The following SEMA3D variants were observed in gnomAD, a reference collection of about 807,000 sequenced individuals.
The protein encoded by SEMA3D is semaphorin-3D.
SEMA3D carries 84 observed loss-of-function variants against 100.1 expected under a neutral mutation model. The observed-to-expected ratio is 0.84, with a 90% CI of 0.70 to 1.01. The LOEUF is 1.01. Ranked by LOEUF, SEMA3D falls within the 50% of genes least tolerant of loss-of-function variation. The probability of loss-of-function intolerance (pLI) is 0.00; values close to 1 mark genes in which losing one functional copy is unlikely to be tolerated. For synonymous variants in SEMA3D, 312 were observed against 320.7 expected, an observed-to-expected ratio of 0.97 and a Z score of 0.29; for missense variants, 875 against 934.1, an observed-to-expected ratio of 0.94 and a Z score of 0.82.
intron 1 of SEMA3D, among the ~76,000 whole-genome samples, chr7:85,171,884 T>C (rs1791092521): frequency 1.3e-5 from 2 of 151,848 alleles, no homozygotes; most frequent in Admixed American, 1.3e-4. Flanking sequence ...CTTCTCTTGA[T>C]TTGCTCTAAC....
At chr7:85,155,952 G>A (rs1043665175) in intron 1 of SEMA3D, among the ~76,000 whole-genome samples, 4 of 151,896 alleles carry the variant, frequency 2.6e-5, no homozygotes, top group African/African-American at 9.7e-5. Flanking sequence ...TTCCAAATGT[G>A]CACTGGCCTA....
At chr7:85,244,708 C>CTT in the SEMA3D span, among the ~76,000 whole-genome samples, 127 of 121,840 alleles carry the variant, frequency 1.0e-3, no homozygotes, top group African/African-American at 1.9e-3. Context: ...ACTGCACAAT[C>CTT]TTTTTTTTTT....
intron 2 of SEMA3D, among the ~76,000 whole-genome samples, chr7:85,146,560 A>C (rs181788417): frequency 6.0e-5 from 9 of 151,032 alleles, no homozygotes; most frequent in Non-Finnish European, 1.2e-4. Flanking sequence ...TCTAAAAAAA[A>C]ATATATATAT....
chr7:85,222,430 C>T, the SEMA3D span, among the ~76,000 whole-genome samples: 14 of 151,932 alleles, frequency 9.2e-5, no homozygotes, highest in Admixed American at 1.3e-4. Context: ...TGTGTATGTA[C>T]GTAAATATAT....
Position 85,073,037 on chromosome 7 carries a change from T to C in SEMA3D, c.420A>G (p.Lys140=). ...NFIRVLQPYN[K]THIYVCGTGA... is the part of the protein sequence containing the mutation. ...CAGTTCCACACACATATATGTGAGT[T>C]TTGTTATAGGGCTGAAGTACTCTGA... is the stretch of plus-strand genomic sequence containing the variant. The change falls in exon 6 of 19, where the codon AAA becomes AAG. Residue 140 remains lysine (K), a synonymous_variant. Coordinates refer to ENST00000284136, the MANE Select transcript of SEMA3D (RefSeq NM_001384900.1). 9 of 1,611,578 alleles carry C rather than the reference T, an allele frequency of 5.6e-6. No homozygotes were observed. The highest frequency in any genetic ancestry group is 6.8e-6 in the Non-Finnish European group (8 of 1,178,012).
intron 3 of SEMA3D, among the ~76,000 whole-genome samples, chr7:85,106,353 G>A (rs539373268): frequency 8.6e-5 from 13 of 152,006 alleles, no homozygotes; most frequent in East Asian, 1.9e-4. Context: ...AGAAAACATC[G>A]GAAGGTCTTA....
At chr7:85,098,608 A>G (rs1370366348) in intron 3 of SEMA3D, among the ~76,000 whole-genome samples, 1 of 151,910 alleles carries the variant, frequency 6.6e-6, no homozygotes, top group Non-Finnish European at 1.5e-5. Context: ...ACACATTCAT[A>G]GCTTCTCCCA....
At position 85,036,819 on chromosome 7, in the gene SEMA3D, T is replaced by C; in HGVS notation, c.1191+70A>G. On this transcript the variant is annotated intron_variant, in intron 12 of 18. Coordinates refer to ENST00000284136, the MANE Select transcript of SEMA3D (RefSeq NM_001384900.1). The stretch of plus-strand genomic sequence containing the variant: ...ATGTGGCTCTGGTGAATAGCAGAAT[T>C]TATTACAATTAAATTAAGAATTAAA... 14 of 1,316,764 alleles carry C rather than the reference T, an allele frequency of 1.1e-5. 1 individual carries two copies. The Admixed American group carries it at 2.8e-4, about 26-fold the overall frequency. The allele number at this position is 1,316,764 out of a possible 1,614,324, so 81.6% of individuals were successfully genotyped here.
the SEMA3D span, among the ~76,000 whole-genome samples, chr7:85,203,851 T>A: frequency 6.6e-6 from 1 of 151,928 alleles, no homozygotes; most frequent in Non-Finnish European, 1.5e-5. Flanking sequence ...AGTAGTAATA[T>A]CAATGCTTTT....
the SEMA3D span, among the ~76,000 whole-genome samples, chr7:85,246,150 TCA>T: frequency 1.3e-5 from 2 of 152,136 alleles, no homozygotes; most frequent in South Asian, 4.1e-4. Flanking sequence ...CATTTTAATT[TCA>T]GTCATTAAAA....
chr7:85,164,187 C>T (rs1298953108), intron 1 of SEMA3D, among the ~76,000 whole-genome samples: 1 of 152,032 alleles, frequency 6.6e-6, no homozygotes, highest in Non-Finnish European at 1.5e-5. Flanking sequence ...ATGTCCTTTT[C>T]ATAACGTTGC....
intron 2 of SEMA3D, among the ~76,000 whole-genome samples, chr7:85,134,965 G>A (rs899547509): frequency 6.6e-6 from 1 of 151,792 alleles, no homozygotes; most frequent in Non-Finnish European, 1.5e-5. Context: ...GACATTCTTT[G>A]TAATTCTGGG....
chr7:85,164,599 AT>A, intron 1 of SEMA3D, among the ~76,000 whole-genome samples: 1 of 152,266 alleles, frequency 6.6e-6, no homozygotes, highest in East Asian at 1.9e-4. Flanking sequence ...CAATTACTTC[AT>A]CTGGTGCTGA....
chr7:85,157,354 T>C (rs1477778808), intron 1 of SEMA3D, among the ~76,000 whole-genome samples: 1 of 152,180 alleles, frequency 6.6e-6, no homozygotes, highest in African/African-American at 2.4e-5. Flanking sequence ...ATATTCAAAA[T>C]ATTAACCAAA....
the SEMA3D span, among the ~76,000 whole-genome samples, chr7:85,242,974 G>A: frequency 2.6e-5 from 4 of 152,204 alleles, no homozygotes; most frequent in South Asian, 2.1e-4. Flanking sequence ...TAAGGTTTGC[G>A]GGGAGAGAAA....
intron 18 of SEMA3D, among the ~76,000 whole-genome samples, chr7:85,001,340 C>T (rs1789648738): frequency 6.6e-6 from 1 of 152,072 alleles, no homozygotes. Flanking sequence ...TATTCTTTTT[C>T]TTATGGATTT....
At chr7:85,206,051 C>A in the SEMA3D span, among the ~76,000 whole-genome samples, 1 of 152,098 alleles carries the variant, frequency 6.6e-6, no homozygotes, top group East Asian at 1.9e-4. Context: ...TCCGTGAAAA[C>A]TAATGTTTCT....
At chr7:85,210,322 G>A in the SEMA3D span, among the ~76,000 whole-genome samples, 1 of 151,976 alleles carries the variant, frequency 6.6e-6, no homozygotes, top group Non-Finnish European at 1.5e-5. Context: ...TAAAGTGAAA[G>A]GTTATTGTTA....
chr7:85,113,237 T>A (rs1562822814), intron 3 of SEMA3D, among the ~76,000 whole-genome samples: 1 of 152,102 alleles, frequency 6.6e-6, no homozygotes, highest in East Asian at 1.9e-4. Flanking sequence ...ATACGAAACC[T>A]GGAAATATAG....
Sources: allele counts gnomAD v4.1 joint callset (sites outside exome capture counted in the v4.1 genomes callset), GRCh38; gene constraint gnomAD v4.1.1; transcripts MANE v1.5; gene names NCBI Gene and HGNC (gene_info 2026-07-23, HGNC 2026-07-21).